Variants in ITGA4 observed in about 807,000 individuals in gnomAD.
The protein encoded by ITGA4 is integrin alpha-4.
Under a neutral mutation model 133.6 loss-of-function variants are expected in ITGA4, and 63 were observed. The ratio of observed to expected loss-of-function variants is 0.47; its 90% CI spans 0.38 to 0.58. The LOEUF is 0.58. ITGA4 is among the 20% of genes least tolerant of loss of function. The pLI is 0.00. For synonymous variants in ITGA4, 483 were observed against 438.0 expected (o/e 1.10, Z -1.28); for missense variants, 1,076 against 1,252.7 (o/e 0.86, Z 2.13).
chr2:181,460,846 TTGAAA>T (rs1376867606), intron 2 of ITGA4, among the ~76,000 whole-genome samples: 4 of 152,072 alleles, frequency 2.6e-5, no homozygotes, highest in Non-Finnish European at 5.9e-5. Context: ...AAGGTAGAAG[TTGAAA>T]TGAAACACAA....
At position 181,495,735 on chromosome 2, in the gene ITGA4, G is replaced by A; in HGVS notation, c.1386-48G>A. ...AAAACAAACGCATTTCTCTCCTTAA[G>A]GAAAAATAATTCTGCAATTAACATT... is the stretch of plus-strand genomic sequence containing the variant. On this transcript the variant is annotated intron_variant, in intron 13 of 27. Coordinates refer to ENST00000397033, the MANE Select transcript of ITGA4 (RefSeq NM_000885.6). The surrounding 1 kb of genome is among the most constrained non-coding windows in gnomAD (Gnocchi z 4.3). The A allele has an allele frequency of 6.5e-7, 1 of 1,546,012 alleles. No homozygotes were observed. Among genetic ancestry groups the A allele is most frequent in the Non-Finnish European group, 8.8e-7 (1 of 1,131,368 alleles).
rs369295784 is a variant in ITGA4 at position 181,509,744 on chromosome 2, G to C, written c.1782G>C (p.Glu594Asp). The C allele has an allele frequency of 1.2e-6, 2 of 1,611,344 alleles. No homozygotes were observed. The highest frequency in any genetic ancestry group is 1.7e-6 in the Non-Finnish European group (2 of 1,178,476). Residue 594 changes from glutamate to aspartate, a missense_variant, in exon 16 of 28, where the codon GAG (glutamate) becomes GAC (aspartate). Transcript: ENST00000397033. ...GPHVISKRST[E>D]EFPPLQPILQ... Reference sequence around the variant, plus strand: ...ATGTCATCAGTAAACGAAGTACAGAGGAATTCCCACCACTTCAGCCAATTC... The same window carrying C: ...ATGTCATCAGTAAACGAAGTACAGACGAATTCCCACCACTTCAGCCAATTC...
intron 2 of ITGA4, among the ~76,000 whole-genome samples, chr2:181,473,064 G>A (rs1685593546): frequency 6.6e-6 from 1 of 152,188 alleles, no homozygotes; most frequent in African/African-American, 2.4e-5. Flanking sequence ...TATTCTATGT[G>A]TATGCTGTCG....
intron 5 of ITGA4, 31 bp from the exon 6 acceptor site, chr2:181,480,106 T>G (rs1216256062): frequency 6.8e-7 from 1 of 1,477,432 alleles, no homozygotes; most frequent in Non-Finnish European, 9.0e-7. Context: ...AGATTAAAGT[T>G]TAAATAATAA....
At chr2:181,463,647 G>A (rs966745948) in intron 2 of ITGA4, among the ~76,000 whole-genome samples, 1 of 151,580 alleles carries the variant, frequency 6.6e-6, no homozygotes, top group African/African-American at 2.4e-5. Flanking sequence ...AGAGCAGCAG[G>A]TTTTCTGGCA....
intron 11 of ITGA4, among the ~76,000 whole-genome samples, chr2:181,494,037 T>G (rs1368740159): frequency 6.6e-6 from 1 of 152,226 alleles, no homozygotes; most frequent in South Asian, 2.1e-4. Flanking sequence ...GAGCAAATGG[T>G]TCTCTGTAAT....
At position 181,457,627 on chromosome 2, in the gene ITGA4, A is replaced by G. The variant is rs2105705535; in HGVS notation, c.-28A>G. 3 of 1,589,046 alleles carry G rather than the reference A, an allele frequency of 1.9e-6. No individual in the cohort carries two copies. Among genetic ancestry groups the G allele is most frequent in the Non-Finnish European group, 2.6e-6 (3 of 1,170,330 alleles). On this transcript the variant is annotated 5_prime_UTR_variant, in exon 1 of 28. Coordinates refer to ENST00000397033, the MANE Select transcript of ITGA4 (RefSeq NM_000885.6). ...TGCAACTTTGGGGTAGTGGCCGTTTAGTGTTGAATGTTCCCCACCGAGAGC... is the reference window on the plus strand; with the variant it reads ...TGCAACTTTGGGGTAGTGGCCGTTTGGTGTTGAATGTTCCCCACCGAGAGC...
At chr2:181,487,574 G>T (rs1685949346) in intron 10 of ITGA4, among the ~76,000 whole-genome samples, 1 of 152,082 alleles carries the variant, frequency 6.6e-6, no homozygotes, top group Admixed American at 6.6e-5. Context: ...TTAATGTATA[G>T]CAATAAGAAA....
intron 1 of ITGA4, 103 bp from the exon 2 acceptor site, chr2:181,458,093 G>A (rs954410129): frequency 1.0e-4 from 157 of 1,500,448 alleles, no homozygotes; most frequent in Non-Finnish European, 1.4e-4. Context: ...CGGAGGAGGA[G>A]GTGGGGAAGC....
At chr2:181,504,692 A>C (rs1367595647) in intron 15 of ITGA4, among the ~76,000 whole-genome samples, 3 of 152,086 alleles carry the variant, frequency 2.0e-5, no homozygotes, top group Non-Finnish European at 4.4e-5. Flanking sequence ...TTGCATATTT[A>C]TATTCTTAGA....
At position 181,458,265 on chromosome 2, in the gene ITGA4, C is replaced by G; in HGVS notation, c.267C>G (p.Tyr89Ter). ...CAGTGATCAATCCCGGGGCGATTTA[C>G]AGATGCAGGATCGGAAAGAATCCCG... Reference protein sequence around the residue: ...NASVINPGAIYRCRIGKNPGQ... With the variant: ...NASVINPGAI Residue 89 changes from tyrosine (Y) to a stop codon, truncating the protein, a stop_gained, in exon 2 of 28, where the codon TAC becomes TAG. Transcript: ENST00000397033. LOFTEE classifies it high-confidence loss of function. 6.2e-7 allele frequency: 1 copy of G among 1,613,350 alleles called. No individual in the cohort carries two copies.
At chr2:181,507,857 G>A (rs985189366) in intron 15 of ITGA4, among the ~76,000 whole-genome samples, 4 of 152,202 alleles carry the variant, frequency 2.6e-5, no homozygotes, top group African/African-American at 4.8e-5. Flanking sequence ...ATGTGGAACC[G>A]ATGGGTACAG....
intron 15 of ITGA4, among the ~76,000 whole-genome samples, chr2:181,505,027 C>T (rs1045356560): frequency 2.0e-5 from 3 of 151,900 alleles, no homozygotes; most frequent in South Asian, 2.1e-4. Flanking sequence ...AGAGGTGTTT[C>T]CAAAATCTAG....
At chr2:181,468,343 A>C (rs1411608903) in intron 2 of ITGA4, among the ~76,000 whole-genome samples, 1 of 152,226 alleles carries the variant, frequency 6.6e-6, no homozygotes, top group Non-Finnish European at 1.5e-5. Context: ...TCCAAAGCTT[A>C]GATCTCTGAG....
chr2:181,495,531 G>C lies in ITGA4; in HGVS notation c.1385+115G>C, dbSNP rs1433132587. ...CCTCATGATGCTCTTTTGGTATTCT[G>C]AAGCTTAATTATTGATTTTTAGGGT... On this transcript the variant is annotated intron_variant, in intron 13 of 27. Coordinates refer to ENST00000397033, the MANE Select transcript of ITGA4 (RefSeq NM_000885.6). This position sits in a 1 kb window ranked among gnomAD's most constrained non-coding sequence, Gnocchi z 4.3. 5 of 819,344 alleles carry C rather than the reference G, an allele frequency of 6.1e-6. No homozygotes were observed. The highest frequency in any genetic ancestry group is 1.0e-5 in the Non-Finnish European group (5 of 483,602). The allele number at this position is 819,344 out of a possible 1,614,324, so 50.8% of individuals were successfully genotyped here.
chr2:181,527,330 A>G lies in ITGA4; in HGVS notation c.2373A>G (p.Ser791=). The G allele has an allele frequency of 6.2e-7, 1 of 1,613,154 alleles. No homozygotes were observed. Among genetic ancestry groups the G allele is most frequent in the East Asian group, 2.2e-5 (1 of 44,812 alleles). The change falls in exon 22 of 28, where the codon TCA becomes TCG. Residue 791 remains serine, a synonymous_variant. Transcript: ENST00000397033. ...FVNPTSFVYG[S]NDENEPETCM... Reference sequence around the variant, plus strand: ...ACCCAACTTCATTTGTGTATGGATCAAATGATGAAAATGAGCCTGAAACGT... The same window carrying G: ...ACCCAACTTCATTTGTGTATGGATCGAATGATGAAAATGAGCCTGAAACGT...
At chr2:181,477,680 A>G (rs1685707051) in intron 4 of ITGA4, among the ~76,000 whole-genome samples, 4 of 152,216 alleles carry the variant, frequency 2.6e-5, no homozygotes, top group Non-Finnish European at 1.5e-5. Context: ...GTCATTATCA[A>G]AAAGGCAAGA....
chr2:181,482,354 T>A lies in ITGA4; in HGVS notation c.841-6T>A, dbSNP rs200847173. ...AAAACTTTTCTAATTCTTTCCCTAATTACAGGCATATATATTCAGCATTGA... is the reference window on the plus strand; with the variant it reads ...AAAACTTTTCTAATTCTTTCCCTAAATACAGGCATATATATTCAGCATTGA... On this transcript the variant is annotated splice_polypyrimidine_tract_variant and splice_region_variant and intron_variant, in intron 7 of 27. Coordinates refer to ENST00000397033, the MANE Select transcript of ITGA4 (RefSeq NM_000885.6). The A allele has an allele frequency of 1.8e-5, 29 of 1,598,084 alleles. No homozygotes were observed. Among genetic ancestry groups the A allele is most frequent in the Admixed American group, 8.9e-5 (5 of 56,452 alleles).
intron 14 of ITGA4, chr2:181,498,275 A>G (rs1686197085): frequency 6.3e-6 from 1 of 157,944 alleles, no homozygotes; most frequent in Non-Finnish European, 1.4e-5. Context: ...TCCTTAGTCA[A>G]TGTTCTGAGA....
Sources: gnomAD v4.1 joint callset for allele counts (sites outside exome capture counted in the v4.1 genomes callset) on GRCh38, gnomAD v4.1.1 for gene constraint, Gnocchi (gnomAD v3.1) non-coding constraint, MANE v1.5 for transcripts, NCBI Gene and HGNC (gene_info 2026-07-23, HGNC 2026-07-21) for gene names.